TCF4: variants seen among roughly 807,000 people sequenced by gnomAD.
TCF4 encodes the protein SL3-3 enhancer factor 2.
Under a neutral mutation model 82.1 loss-of-function variants are expected in TCF4, and 3 were observed. That is an observed-to-expected ratio of 0.04 (90% CI 0.02 to 0.09). The LOEUF (loss-of-function observed/expected upper bound fraction) is 0.09. Ranked by LOEUF, TCF4 falls within the 10% of genes least tolerant of loss-of-function variation. The probability of loss-of-function intolerance (pLI) is 1.00; values close to 1 mark genes in which losing one functional copy is unlikely to be tolerated. For missense variants in TCF4, 518 were observed against 852.7 expected (o/e 0.61, Z 4.89); for synonymous variants, 276 against 309.6 (o/e 0.89, Z 1.14).
intron 3 of TCF4, among the ~76,000 whole-genome samples, chr18:55,567,975 A>C (rs2097424654): frequency 6.6e-6 from 1 of 152,182 alleles, no homozygotes; most frequent in Non-Finnish European, 1.5e-5. Flanking sequence ...GGCACCAAAA[A>C]ATATTGCAAG....
intron 3 of TCF4, among the ~76,000 whole-genome samples, chr18:55,489,372 C>G (rs1192247418): frequency 6.6e-6 from 1 of 152,064 alleles, no homozygotes; most frequent in Non-Finnish European, 1.5e-5. Context: ...CTCTTTCAGG[C>G]TCTTTGGGAG....
intron 8 of TCF4, chr18:55,321,758 T>G (rs779847252): frequency 6.5e-7 from 1 of 1,534,038 alleles, no homozygotes; most frequent in South Asian, 1.2e-5. Flanking sequence ...TTCTTTTTTC[T>G]CCTCAGTACC....
intron 3 of TCF4, among the ~76,000 whole-genome samples, chr18:55,521,524 C>T (rs1425898389): frequency 6.6e-6 from 1 of 152,118 alleles, no homozygotes; most frequent in East Asian, 1.9e-4. Flanking sequence ...TATACGTTAT[C>T]CTCCCAAGAA....
At chr18:55,566,044 C>CAAA (rs1165991030) in intron 3 of TCF4, among the ~76,000 whole-genome samples, 44 of 71,312 alleles carry the variant, frequency 6.2e-4, no homozygotes, top group African/African-American at 1.4e-3. Flanking sequence ...ACTAAAAATA[C>CAAA]AAAAAAAAAA....
chr18:55,634,738 T>C (rs1481619513), intron 1 of TCF4, among the ~76,000 whole-genome samples: 2 of 152,166 alleles, frequency 1.3e-5, no homozygotes, highest in Non-Finnish European at 2.9e-5. Flanking sequence ...GTGAGGGATA[T>C]TGAGCAAGAG....
intron 3 of TCF4, among the ~76,000 whole-genome samples, chr18:55,477,908 T>A (rs914024106): frequency 1.3e-5 from 2 of 152,174 alleles, no homozygotes; most frequent in Non-Finnish European, 2.9e-5. Context: ...CTTTTGCCCA[T>A]CTGATAACTA....
intron 4 of TCF4, among the ~76,000 whole-genome samples, chr18:55,463,059 C>G (rs114676569): frequency 8.2e-4 from 125 of 152,234 alleles, no homozygotes; most frequent in African/African-American, 3.0e-3. Flanking sequence ...TGAACACTTA[C>G]AGTAAAATGT....
chr18:55,456,307 G>A (rs1017605402), intron 5 of TCF4, among the ~76,000 whole-genome samples: 1 of 152,186 alleles, frequency 6.6e-6, no homozygotes, highest in Non-Finnish European at 1.5e-5. Context: ...AGCTAGGTTA[G>A]AACCCAGCTA....
At chr18:55,391,942 A>G (rs79001338) in intron 6 of TCF4, among the ~76,000 whole-genome samples, 1 of 136,548 alleles carries the variant, frequency 7.3e-6, no homozygotes. Flanking sequence ...CATCTAAAAG[A>G]AAAAAAAAAA....
chr18:55,271,184 C>G (rs1481098066), intron 10 of TCF4, among the ~76,000 whole-genome samples: 1 of 152,242 alleles, frequency 6.6e-6, no homozygotes, highest in South Asian at 2.1e-4. Context: ...CTACCTCCAA[C>G]TCTTCCACCA....
chr18:55,418,003 ATGTGTGTGTGTGTGTGTG>A (rs201657057), intron 5 of TCF4, among the ~76,000 whole-genome samples: 12 of 143,474 alleles, frequency 8.4e-5, no homozygotes, highest in Non-Finnish European at 1.4e-4. Flanking sequence ...TCTTGAGCAA[ATGTGTGTGTGTGTGTGTG>A]TGTGTGTGTG....
intron 3 of TCF4, among the ~76,000 whole-genome samples, chr18:55,542,290 C>T (rs986241509): frequency 2.0e-5 from 3 of 151,944 alleles, no homozygotes; most frequent in African/African-American, 7.2e-5. Flanking sequence ...TAAATTCATA[C>T]ATCCACATAG....
intron 8 of TCF4, among the ~76,000 whole-genome samples, chr18:55,348,688 A>T (rs1306080631): frequency 2.0e-5 from 3 of 152,164 alleles, no homozygotes; most frequent in East Asian, 3.8e-4. Context: ...GATTAAGCAG[A>T]TACATACCAT....
At chr18:55,402,839 A>G (rs1248678336) in intron 6 of TCF4, among the ~76,000 whole-genome samples, 1 of 152,212 alleles carries the variant, frequency 6.6e-6, no homozygotes, top group African/African-American at 2.4e-5. Context: ...TTTGTATTAC[A>G]CTGGCATTTT....
At chr18:55,531,872 T>G (rs1721914568) in intron 3 of TCF4, among the ~76,000 whole-genome samples, 1 of 152,178 alleles carries the variant, frequency 6.6e-6, no homozygotes, top group Non-Finnish European at 1.5e-5. Flanking sequence ...CCATGACCAA[T>G]CAATACTATA....
At chr18:55,476,449 CGTT>C (rs1331508566) in intron 3 of TCF4, among the ~76,000 whole-genome samples, 12 of 150,080 alleles carry the variant, frequency 8.0e-5, no homozygotes, top group African/African-American at 1.7e-4. Context: ...ATGAAGCCCT[CGTT>C]GTTTTTTTGT....
intron 6 of TCF4, among the ~76,000 whole-genome samples, chr18:55,362,339 G>GGAAGGAAGGA (rs1188160658): frequency 4.4e-5 from 3 of 68,562 alleles, no homozygotes; most frequent in African/African-American, 6.8e-5. Context: ...AAAAAAAAAA[G>GGAAGGAAGGA]AGGAAGGAAG....
chr18:55,377,824 T>C (rs539609737), intron 6 of TCF4, among the ~76,000 whole-genome samples: 1 of 152,242 alleles, frequency 6.6e-6, no homozygotes, highest in Non-Finnish European at 1.5e-5. Flanking sequence ...GAACTTGTAT[T>C]ACTTTGTGAA....
chr18:55,281,439 C>T (rs538100636), intron 8 of TCF4, among the ~76,000 whole-genome samples: 10 of 152,206 alleles, frequency 6.6e-5, no homozygotes, highest in East Asian at 3.9e-4. Flanking sequence ...TATATCTACA[C>T]GCTATTAGCC....
Sources: gnomAD v4.1 joint callset for allele counts (sites outside exome capture counted in the v4.1 genomes callset) on GRCh38, gnomAD v4.1.1 for gene constraint, MANE v1.5 for transcripts, NCBI Gene and HGNC (gene_info 2026-07-23, HGNC 2026-07-21) for gene names.